Variants in LRRC4C observed in about 807,000 individuals in gnomAD.
LRRC4C encodes the protein leucine-rich repeat-containing protein 4C.
In LRRC4C, 5 loss-of-function variants were observed where a neutral mutation model predicts 33.6. The observed-to-expected ratio is 0.15, with a 90% CI of 0.08 to 0.31. The LOEUF (loss-of-function observed/expected upper bound fraction) is 0.31. Among genes scored for constraint, LRRC4C ranks in the 10% least tolerant of loss-of-function variants. The pLI is 1.00. For missense variants in LRRC4C, 560 were observed against 796.7 expected, an observed-to-expected ratio of 0.70 and a Z score of 3.58; for synonymous variants, 329 against 302.0, an observed-to-expected ratio of 1.09 and a Z score of -0.93.
At chr11:40,334,827 A>C (rs985466145) in intron 3 of LRRC4C, among the ~76,000 whole-genome samples, 4 of 152,054 alleles carry the variant, frequency 2.6e-5, no homozygotes, top group African/African-American at 9.7e-5. Flanking sequence ...CTCCTGCGCT[A>C]CCTAAAAACT....
intron 1 of LRRC4C, among the ~76,000 whole-genome samples, chr11:41,267,321 G>A (rs1274423184): frequency 6.6e-6 from 1 of 152,088 alleles, no homozygotes; most frequent in East Asian, 1.9e-4. Context: ...CCACTTAGAA[G>A]GGGTAGACTG....
At chr11:40,796,681 G>A (rs1417250566) in intron 2 of LRRC4C, among the ~76,000 whole-genome samples, 2 of 97,284 alleles carry the variant, frequency 2.1e-5, no homozygotes, top group African/African-American at 8.1e-5. Context: ...GAGTCTTGTT[G>A]TGTCCCACAG....
chr11:40,826,209 C>T (rs1255635409), intron 2 of LRRC4C, among the ~76,000 whole-genome samples: 1 of 151,916 alleles, frequency 6.6e-6, no homozygotes, highest in Non-Finnish European at 1.5e-5. Flanking sequence ...AACTTTCTTC[C>T]TGGAGATACA....
chr11:40,212,151 T>C (rs1327936613), intron 5 of LRRC4C, among the ~76,000 whole-genome samples: 1 of 152,200 alleles, frequency 6.6e-6, no homozygotes, highest in Non-Finnish European at 1.5e-5. Context: ...GAGTAGTAAA[T>C]GTGGAAACCA....
intron 1 of LRRC4C, among the ~76,000 whole-genome samples, chr11:40,999,793 A>C (rs973040397): frequency 2.0e-5 from 3 of 152,260 alleles, no homozygotes; most frequent in Admixed American, 2.0e-4. Context: ...GTTTTTTGGA[A>C]GCACAAAATA....
At chr11:40,686,511 A>C (rs1591464416) in intron 2 of LRRC4C, among the ~76,000 whole-genome samples, 1 of 152,018 alleles carries the variant, frequency 6.6e-6, no homozygotes, top group Admixed American at 6.6e-5. Context: ...CCAGACGTTG[A>C]GTATACTGTG....
At chr11:40,139,328 C>T (rs957466132) in intron 6 of LRRC4C, among the ~76,000 whole-genome samples, 7 of 152,114 alleles carry the variant, frequency 4.6e-5, no homozygotes, top group African/African-American at 1.7e-4. Context: ...TTTTGGACTG[C>T]AATTCACAAG....
chr11:40,713,331 A>G (rs559643325), intron 2 of LRRC4C, among the ~76,000 whole-genome samples: 58 of 152,318 alleles, frequency 3.8e-4, no homozygotes, highest in Non-Finnish European at 6.9e-4. Context: ...ACAAGTGAGC[A>G]TGCCCTTTAG....
intron 1 of LRRC4C, among the ~76,000 whole-genome samples, chr11:41,201,280 A>C (rs1229790122): frequency 6.6e-6 from 1 of 152,206 alleles, no homozygotes; most frequent in African/African-American, 2.4e-5. Context: ...ACAGTAGCTG[A>C]AATTAACCTA....
At chr11:40,935,994 T>C (rs1445255198) in intron 1 of LRRC4C, among the ~76,000 whole-genome samples, 6 of 105,260 alleles carry the variant, frequency 5.7e-5, no homozygotes, top group Non-Finnish European at 1.1e-4. Flanking sequence ...TACTAAAAAC[T>C]ACTAAAAAGA....
chr11:40,350,541 G>T (rs61888677), intron 3 of LRRC4C, among the ~76,000 whole-genome samples: 1 of 151,824 alleles, frequency 6.6e-6, no homozygotes, highest in African/African-American at 2.4e-5. Context: ...CTACAGTTTT[G>T]TTCTTTTTGC....
intron 1 of LRRC4C, among the ~76,000 whole-genome samples, chr11:41,057,397 C>T (rs371646179): frequency 6.6e-6 from 1 of 152,164 alleles, no homozygotes; most frequent in African/African-American, 2.4e-5. Context: ...AGATACCTCT[C>T]GACACCTATA....
chr11:40,553,272 A>C (rs773562312), intron 3 of LRRC4C, among the ~76,000 whole-genome samples: 17 of 93,718 alleles, frequency 1.8e-4, no homozygotes, highest in Non-Finnish European at 2.7e-4. Flanking sequence ...ACTCTGTCTA[A>C]AAAACAAACA....
At chr11:40,561,406 T>A (rs72886915) in intron 3 of LRRC4C, among the ~76,000 whole-genome samples, 27,905 of 126,936 alleles carry the variant, frequency 0.22, 3,446 homozygotes, top group East Asian at 0.56. Context: ...TTCTGAGGAT[T>A]CCTTTTTTTT....
chr11:40,379,418 C>T (rs967064677), intron 3 of LRRC4C, among the ~76,000 whole-genome samples: 4 of 152,092 alleles, frequency 2.6e-5, no homozygotes, highest in African/African-American at 4.8e-5. Context: ...GTGATATCTA[C>T]CTTCACCCAA....
chr11:41,054,801 G>A (rs1389022894), intron 1 of LRRC4C, among the ~76,000 whole-genome samples: 1 of 152,174 alleles, frequency 6.6e-6, no homozygotes, highest in African/African-American at 2.4e-5. Context: ...CAGAAGAAAA[G>A]CAGATATGAG....
intron 5 of LRRC4C, among the ~76,000 whole-genome samples, chr11:40,237,197 C>T (rs936629676): frequency 2.6e-5 from 4 of 152,180 alleles, no homozygotes; most frequent in African/African-American, 7.2e-5. Context: ...ATGTTAGGTC[C>T]AAAGTGAATG....
At chr11:40,248,016 A>G (rs1866483794) in intron 4 of LRRC4C, among the ~76,000 whole-genome samples, 1 of 152,182 alleles carries the variant, frequency 6.6e-6, no homozygotes, top group Non-Finnish European at 1.5e-5. Flanking sequence ...CCTCATTTGT[A>G]TGTAATCGTG....
At chr11:40,952,174 T>C (rs1443615240) in intron 1 of LRRC4C, among the ~76,000 whole-genome samples, 1 of 151,854 alleles carries the variant, frequency 6.6e-6, no homozygotes, top group Non-Finnish European at 1.5e-5. Flanking sequence ...GCAATGTGAG[T>C]GACTAAGTAA....
Sources: allele counts gnomAD v4.1 joint callset (sites outside exome capture counted in the v4.1 genomes callset), GRCh38; gene constraint gnomAD v4.1.1; transcripts MANE v1.5; gene names NCBI Gene and HGNC (gene_info 2026-07-23, HGNC 2026-07-21).